Variants in CFAP299 observed in about 807,000 individuals in gnomAD.
The protein encoded by CFAP299 is cilia and flagella associated protein 299, also known as cilia- and flagella-associated protein 299.
Under a neutral mutation model 27.0 loss-of-function variants are expected in CFAP299, and 21 were observed. The ratio of observed to expected loss-of-function variants is 0.78; its 90% CI spans 0.55 to 1.12. CFAP299 has a LOEUF of 1.12. Ranked by LOEUF, CFAP299 falls within the 50% of genes most tolerant of loss-of-function variation. The pLI is 0.00. For missense variants in CFAP299, 310 were observed against 276.6 expected (o/e 1.12, Z -0.86); for synonymous variants, 104 against 98.1 (o/e 1.06, Z -0.36).
At chr4:80,592,968 G>A (rs576081201) in intron 3 of CFAP299, among the ~76,000 whole-genome samples, 1 of 152,130 alleles carries the variant, frequency 6.6e-6, no homozygotes, top group Non-Finnish European at 1.5e-5. Context: ...ATAATTCAAT[G>A]CTCTTTACAA....
At chr4:80,519,838 G>A (rs903431061) in intron 2 of CFAP299, among the ~76,000 whole-genome samples, 10 of 152,134 alleles carry the variant, frequency 6.6e-5, no homozygotes, top group African/African-American at 1.9e-4. Flanking sequence ...AATTTATGTT[G>A]CATACCACAA....
chr4:80,788,950 A>G (rs980078198), intron 3 of CFAP299, among the ~76,000 whole-genome samples: 5 of 152,100 alleles, frequency 3.3e-5, no homozygotes, highest in Non-Finnish European at 5.9e-5. Context: ...TTGACTTAAC[A>G]TAAACATCTA....
At chr4:80,638,598 G>A (rs1478716874) in intron 3 of CFAP299, among the ~76,000 whole-genome samples, 2 of 152,146 alleles carry the variant, frequency 1.3e-5, no homozygotes, top group African/African-American at 2.4e-5. Context: ...ATATAAGGAT[G>A]CAGCTACAGG....
intron 3 of CFAP299, among the ~76,000 whole-genome samples, chr4:80,849,921 T>C (rs576198720): frequency 1.7e-4 from 26 of 152,254 alleles, no homozygotes; most frequent in Admixed American, 3.9e-4. Context: ...GATATGCTAA[T>C]TACCCAGATT....
At chr4:80,423,960 C>G (rs1244909099) in intron 2 of CFAP299, among the ~76,000 whole-genome samples, 1 of 152,194 alleles carries the variant, frequency 6.6e-6, no homozygotes, top group Non-Finnish European at 1.5e-5. Flanking sequence ...GGCAGTCACT[C>G]ACCTTTCTGC....
intron 2 of CFAP299, among the ~76,000 whole-genome samples, chr4:80,541,197 C>T (rs915909527): frequency 5.9e-5 from 9 of 152,046 alleles, no homozygotes; most frequent in East Asian, 1.9e-4. Context: ...AAATACCATA[C>T]GTAAAGATTT....
chr4:80,699,661 T>C (rs1721344829), intron 3 of CFAP299, among the ~76,000 whole-genome samples: 1 of 152,220 alleles, frequency 6.6e-6, no homozygotes, highest in South Asian at 2.1e-4. Context: ...AGGGCATTTT[T>C]ACTAGATCAA....
chr4:80,554,724 T>C (rs1365041900), intron 2 of CFAP299, among the ~76,000 whole-genome samples: 1 of 152,060 alleles, frequency 6.6e-6, no homozygotes, highest in Non-Finnish European at 1.5e-5. Context: ...TCTCCCTGGT[T>C]AGCTGTATTC....
At chr4:80,566,952 C>T (rs1006757989) in intron 2 of CFAP299, among the ~76,000 whole-genome samples, 5 of 151,544 alleles carry the variant, frequency 3.3e-5, no homozygotes, top group African/African-American at 1.2e-4. Context: ...GCCAGATGTA[C>T]AAAAATGAGG....
rs531807883 is a variant in CFAP299 at position 80,462,087 on chromosome 4, C to G, written c.242+99203C>G. ...AGGGCAGTAACCATGCTAATTTAAT[C>G]CAACCTTGGATCCCCAACACTTAGT... is the stretch of plus-strand genomic sequence containing the variant. On this transcript the variant is annotated intron_variant, in intron 2 of 5. Coordinates refer to ENST00000358105, the MANE Select transcript of CFAP299 (RefSeq NM_152770.3). Among the ~76,000 whole-genome samples, 76 of 152,230 alleles carry G rather than the reference C, an allele frequency of 5.0e-4. 1 individual carries two copies. Among genetic ancestry groups the G allele is most frequent in the African/African-American group, 1.8e-3 (73 of 41,542 alleles).
chr4:80,861,857 A>G (rs1380980884), intron 3 of CFAP299, among the ~76,000 whole-genome samples: 1 of 152,142 alleles, frequency 6.6e-6, no homozygotes, highest in Non-Finnish European at 1.5e-5. Flanking sequence ...TATTGGATCA[A>G]CTTATTGAAC....
rs148927188 is a variant in CFAP299, at chr4:80,630,781, T to C, written c.333+47598T>C. 1.3e-3 allele frequency among the ~76,000 whole-genome samples: 193 copies of C among 152,188 alleles called. 1 individual carries two copies. The South Asian group carries it at 0.027, about 21-fold the overall frequency. On this transcript the variant is annotated intron_variant, in intron 3 of 5. Coordinates refer to ENST00000358105, the MANE Select transcript of CFAP299 (RefSeq NM_152770.3). ...TACTTAAATGAAATTATTTCATTAA[T>C]AGCAGATTTTCCATGAAACAAATGC...
chr4:80,854,602 T>A (rs1731717476), intron 3 of CFAP299, among the ~76,000 whole-genome samples: 1 of 151,094 alleles, frequency 6.6e-6, no homozygotes. Flanking sequence ...GATCAGCACA[T>A]CTGATGGGCG....
At chr4:80,703,092 G>A (rs762467302) in intron 3 of CFAP299, among the ~76,000 whole-genome samples, 1 of 151,704 alleles carries the variant, frequency 6.6e-6, no homozygotes, top group African/African-American at 2.4e-5. Context: ...CATAGCATAT[G>A]TCTATTTAAT....
chr4:80,479,575 G>A (rs991291964), intron 2 of CFAP299, among the ~76,000 whole-genome samples: 3 of 151,804 alleles, frequency 2.0e-5, no homozygotes, highest in African/African-American at 7.2e-5. Flanking sequence ...GGTAAAATGA[G>A]GACATATTTC....
intron 5 of CFAP299, among the ~76,000 whole-genome samples, chr4:80,953,124 T>A (rs1737867824): frequency 6.6e-6 from 1 of 152,210 alleles, no homozygotes; most frequent in Non-Finnish European, 1.5e-5. Flanking sequence ...TAAACAAGGT[T>A]ATGGCTTCCG....
intron 2 of CFAP299, among the ~76,000 whole-genome samples, chr4:80,473,200 C>T (rs565129851): frequency 6.6e-6 from 1 of 152,022 alleles, no homozygotes; most frequent in Non-Finnish European, 1.5e-5. Flanking sequence ...CCAGGAAAGC[C>T]TGCATAGAGG....
At chr4:80,796,925 T>A (rs1727897685) in intron 3 of CFAP299, among the ~76,000 whole-genome samples, 1 of 152,220 alleles carries the variant, frequency 6.6e-6, no homozygotes, top group Non-Finnish European at 1.5e-5. Context: ...TAAGTATGTC[T>A]ATGCCAATTA....
intron 2 of CFAP299, chr4:80,388,030 C>T: frequency 1.4e-6 from 1 of 695,100 alleles, no homozygotes; most frequent in African/African-American, 1.8e-5. Context: ...GGTAGGGCTG[C>T]ATCACCAGTG....
Sources: gnomAD v4.1 joint callset for allele counts (sites outside exome capture counted in the v4.1 genomes callset) on GRCh38, gnomAD v4.1.1 for gene constraint, MANE v1.5 for transcripts, NCBI Gene and HGNC (gene_info 2026-07-23, HGNC 2026-07-21) for gene names.